Variants in RFX2 observed in about 807,000 individuals in gnomAD.
RFX2 encodes DNA-binding protein RFX2.
In RFX2, 20 loss-of-function variants were observed where a neutral mutation model predicts 87.8. That is an observed-to-expected ratio of 0.23 (90% CI 0.16 to 0.33). The LOEUF (loss-of-function observed/expected upper bound fraction) is 0.33, where lower values mean the gene tolerates loss of function less well. Ranked by LOEUF, RFX2 falls within the 10% of genes least tolerant of loss-of-function variation. RFX2 has a pLI of 1.00. For missense variants in RFX2, 767 were observed against 1,012.3 expected, an observed-to-expected ratio of 0.76 and a Z score of 3.29; for synonymous variants, 397 against 431.3, an observed-to-expected ratio of 0.92 and a Z score of 0.98.
At chr19:6,076,297 T>G (rs2087691673) in intron 1 of RFX2, among the ~76,000 whole-genome samples, 1 of 152,198 alleles carries the variant, frequency 6.6e-6, no homozygotes, top group Admixed American at 6.5e-5. Flanking sequence ...TGAGCCGAGA[T>G]GGTGCCACTG....
At chr19:6,051,523 T>C (rs1353395044) in intron 1 of RFX2, among the ~76,000 whole-genome samples, 6 of 151,998 alleles carry the variant, frequency 3.9e-5, no homozygotes, top group African/African-American at 1.4e-4. Flanking sequence ...AAAATATATA[T>C]ACAAAAAGGT....
intron 1 of RFX2, among the ~76,000 whole-genome samples, chr19:6,095,881 G>A (rs1006948770): frequency 2.0e-5 from 3 of 152,278 alleles, no homozygotes; most frequent in Middle Eastern, 3.4e-3. Flanking sequence ...AATATTCTGT[G>A]ATGCATGAAA....
rs190472707 is a variant in RFX2, at chr19:6,040,793, G to A, written c.261-552C>T. Among the ~76,000 whole-genome samples the A allele has an allele frequency of 2.0e-5, 3 of 152,120 alleles. No homozygotes were observed. Among genetic ancestry groups the A allele is most frequent in the African/African-American group, 7.2e-5 (3 of 41,422 alleles). On this transcript the variant is annotated intron_variant, in intron 4 of 17. Transcript: ENST00000303657. The surrounding 1 kb of genome is among the most constrained non-coding windows in gnomAD (Gnocchi z 6.1). ...ATAAATACAAATAAAACTTAAAATT[G>A]TAAGTGGATAAATGGGTCACATGAG...
In RFX2 at chr19:6,040,498, G is replaced by A. The variant is rs1008911451; in HGVS notation, c.261-257C>T. ...TTCTAGGCCAGGCGTGGTGGCTCAC[G>A]CCTGTAATCCCAGCACTTTGGGAGG... On this transcript the variant is annotated intron_variant, in intron 4 of 17. Transcript: ENST00000303657. The surrounding 1 kb of genome is among the most constrained non-coding windows in gnomAD (Gnocchi z 6.1). Among the ~76,000 whole-genome samples the A allele has an allele frequency of 2.6e-5, 4 of 152,186 alleles. No individual in the cohort carries two copies. Among genetic ancestry groups the A allele is most frequent in the Admixed American group, 6.5e-5 (1 of 15,280 alleles).
chr19:6,073,298 C>G, intron 1 of RFX2: 1 of 1,084,482 alleles, frequency 9.2e-7, no homozygotes, highest in East Asian at 2.5e-5. Context: ...TCTTGATGCC[C>G]AACACTGGTC....
At chr19:6,086,448 A>G (rs780250980) in intron 1 of RFX2, among the ~76,000 whole-genome samples, 1 of 152,236 alleles carries the variant, frequency 6.6e-6, no homozygotes, top group Non-Finnish European at 1.5e-5. Context: ...ATTGTAACAC[A>G]GTGGTAAGTA....
chr19:6,009,592 T>C (rs1160030123), intron 9 of RFX2, among the ~76,000 whole-genome samples: 1 of 152,100 alleles, frequency 6.6e-6, no homozygotes, highest in South Asian at 2.1e-4. Flanking sequence ...TTTTTTTCTT[T>C]AATTTTAAAG....
At position 6,040,849 on chromosome 19, in the gene RFX2, G is replaced by GT. The variant is rs2087096387; in HGVS notation, c.261-609dup. ...TCCTGTGTGGAGATGGAGCAGTTCT[G>GT]TATCTTGATGGTGGTATTGTTACAC... On this transcript the variant is annotated intron_variant, in intron 4 of 17. Coordinates refer to ENST00000303657, the MANE Select transcript of RFX2 (RefSeq NM_000635.4). The surrounding 1 kb of genome is among the most constrained non-coding windows in gnomAD (Gnocchi z 6.1). Among the ~76,000 whole-genome samples, 1 of 152,170 alleles carries GT rather than the reference G, an allele frequency of 6.6e-6. No homozygotes were observed. The highest frequency in any genetic ancestry group is 2.1e-4 in the South Asian group (1 of 4,826).
At chr19:6,033,608 A>G (rs867294759) in intron 5 of RFX2, among the ~76,000 whole-genome samples, 1,746 of 97,622 alleles carry the variant, frequency 0.018, 26 homozygotes, top group African/African-American at 0.07. Flanking sequence ...TACTTTTCCC[A>G]CCTTTGCAAA....
intron 6 of RFX2, among the ~76,000 whole-genome samples, chr19:6,025,380 G>A (rs1423236337): frequency 6.6e-6 from 1 of 152,186 alleles, no homozygotes; most frequent in Non-Finnish European, 1.5e-5. Flanking sequence ...AAATCTGTAT[G>A]AATTAGCTGC....
intron 1 of RFX2, among the ~76,000 whole-genome samples, chr19:6,070,470 G>C (rs1453693869): frequency 6.6e-6 from 1 of 151,984 alleles, no homozygotes; most frequent in Non-Finnish European, 1.5e-5. Context: ...GCTGCTGGGG[G>C]CCTCCACTCT....
Position 6,004,042 on chromosome 19 carries a change from G to A in RFX2, c.1500+159C>T, listed in dbSNP as rs559330096. On this transcript the variant is annotated intron_variant, in intron 13 of 17. Transcript: ENST00000303657. This position sits in a 1 kb window ranked among gnomAD's most constrained non-coding sequence, Gnocchi z 4.8. ...TTCCCCTTCCTGCCAGCACTGACGC[G>A]TCACCGGCAGTGTGCTCAGGGCTTC... 2.2e-4 allele frequency among the ~76,000 whole-genome samples: 34 copies of A among 152,248 alleles called. 1 individual carries two copies. Among genetic ancestry groups the A allele is most frequent in the East Asian group, 1.4e-3 (7 of 5,182 alleles).
At chr19:6,104,059 C>G (rs969247585) in intron 1 of RFX2, among the ~76,000 whole-genome samples, 2 of 152,094 alleles carry the variant, frequency 1.3e-5, no homozygotes, top group Non-Finnish European at 2.9e-5. Flanking sequence ...TCAAACCTTG[C>G]CCCAGAGCCA....
Position 6,040,246 on chromosome 19 carries a change from TAGAA to T in RFX2, c.261-9_261-6del, listed in dbSNP as rs1568519982. 3.9e-6 allele frequency: 6 copies of T among 1,533,534 alleles called. No homozygotes were observed. The highest frequency in any genetic ancestry group is 2.0e-5 in the Admixed American group (1 of 50,538). 95.0% of individuals were successfully genotyped at this position (1,533,534 alleles called of 1,614,324 possible). ...TTGTAGGTGTAGGCTGTTCGTCTGT[TAGAA>T]AGAGAGAAGTCACGCATGGGACGCT... is the stretch of plus-strand genomic sequence containing the variant. On this transcript the variant is annotated splice_polypyrimidine_tract_variant and splice_region_variant and intron_variant, in intron 4 of 17. Transcript: ENST00000303657. This position sits in a 1 kb window ranked among gnomAD's most constrained non-coding sequence, Gnocchi z 6.1.
In RFX2 at chr19:6,016,338, T is replaced by A. The variant is rs2086726174; in HGVS notation, c.598-67A>T. On this transcript the variant is annotated intron_variant, in intron 6 of 17. Transcript: ENST00000303657. This position sits in a 1 kb window ranked among gnomAD's most constrained non-coding sequence, Gnocchi z 5.4. ...GGAACGCTAACATGCCAACGTGGAC[T>A]CATTAAGAGAATTACTTGCGTTCCC... is the stretch of plus-strand genomic sequence containing the variant. 1 of 1,148,112 alleles carries A rather than the reference T, an allele frequency of 8.7e-7. No individual in the cohort carries two copies. Among genetic ancestry groups the A allele is most frequent in the African/African-American group, 1.6e-5 (1 of 64,214 alleles). 71.1% of individuals were successfully genotyped at this position (1,148,112 alleles called of 1,614,324 possible).
Position 6,047,376 on chromosome 19 carries a change from C to T in RFX2, c.90+31G>A, listed in dbSNP as rs1449403336. ...ATAGAGATCGCGTCCACACTGTGGC[C>T]ACCCTGTTGTTGCTGAGAGGCGCGC... On this transcript the variant is annotated intron_variant, in intron 2 of 17. Coordinates refer to ENST00000303657, the MANE Select transcript of RFX2 (RefSeq NM_000635.4). This position sits in a 1 kb window ranked among gnomAD's most constrained non-coding sequence, Gnocchi z 4.2. 6.4e-7 allele frequency: 1 copy of T among 1,570,628 alleles called. No homozygotes were observed. Among genetic ancestry groups the T allele is most frequent in the East Asian group, 2.3e-5 (1 of 43,666 alleles).
chr19:6,092,062 A>G (rs1460657545), intron 1 of RFX2, among the ~76,000 whole-genome samples: 1 of 152,228 alleles, frequency 6.6e-6, no homozygotes. Flanking sequence ...GAAATCTTAA[A>G]GGATGTTAAA....
At position 6,050,458 on chromosome 19, in the gene RFX2, T is replaced by A. The variant is rs112702826; in HGVS notation, c.-8-2954A>T. Among the ~76,000 whole-genome samples the A allele has an allele frequency of 0.023, 3,481 of 152,184 alleles. 142 individuals are homozygous for A. Among genetic ancestry groups the A allele is most frequent in the African/African-American group, 0.08 (3,317 of 41,512 alleles). On this transcript the variant is annotated intron_variant, in intron 1 of 17. Coordinates refer to ENST00000303657, the MANE Select transcript of RFX2 (RefSeq NM_000635.4). This position sits in a 1 kb window ranked among gnomAD's most constrained non-coding sequence, Gnocchi z 4.6. ...AGCTACTAAAAATAACTTCAAGAACTTAAAGGAAGTTATATACATAATGAA... is the reference window on the plus strand; with the variant it reads ...AGCTACTAAAAATAACTTCAAGAACATAAAGGAAGTTATATACATAATGAA...
chr19:6,051,228 T>C (rs373392706), intron 1 of RFX2, among the ~76,000 whole-genome samples: 22 of 152,058 alleles, frequency 1.4e-4, no homozygotes, highest in African/African-American at 5.3e-4. Context: ...AATACGCAGG[T>C]AATTATAAAA....
Sources: gnomAD v4.1 joint callset for allele counts (sites outside exome capture counted in the v4.1 genomes callset) on GRCh38, gnomAD v4.1.1 for gene constraint, Gnocchi (gnomAD v3.1) non-coding constraint, MANE v1.5 for transcripts, NCBI Gene and HGNC (gene_info 2026-07-23, HGNC 2026-07-21) for gene names.